The following NCOA7 variants were observed in gnomAD, a reference collection of about 807,000 sequenced individuals.
The protein encoded by NCOA7 is 140 kDa estrogen receptor-associated protein.
Under a neutral mutation model 104.3 loss-of-function variants are expected in NCOA7, and 45 were observed. The observed-to-expected ratio is 0.43, with a 90% CI of 0.34 to 0.55. The LOEUF (loss-of-function observed/expected upper bound fraction) is 0.55. NCOA7 is among the 20% of genes least tolerant of loss of function. The probability of loss-of-function intolerance (pLI) is 0.02; values close to 1 mark genes in which losing one functional copy is unlikely to be tolerated. For missense variants in NCOA7, 1,041 were observed against 1,119.7 expected (o/e 0.93, Z 1.00); for synonymous variants, 398 against 402.3 (o/e 0.99, Z 0.13).
rs377586074 is a variant in NCOA7 at position 125,872,171 on chromosome 6, C to T, written c.272-2718C>T. On this transcript the variant is annotated intron_variant, in intron 3 of 15. Transcript: ENST00000392477. ...ATGCTTGACATTTTTCTAGCCTACCCACCTGTGGCAAAGGAAGGTAATTTA... is the reference window on the plus strand; with the variant it reads ...ATGCTTGACATTTTTCTAGCCTACCTACCTGTGGCAAAGGAAGGTAATTTA... Among the ~76,000 whole-genome samples, 24 of 152,132 alleles carry T rather than the reference C, an allele frequency of 1.6e-4. No homozygotes were observed. In the South Asian group the frequency reaches 1.9e-3, roughly 12 times the overall value.
rs764286818 is a variant in NCOA7 at position 125,800,949 on chromosome 6, C to T, written c.-65+9882C>T. ...GTGTGAGGCAGTGAGGCAGGAGAATCGCTTGAACGAGTGAGGCAGAGGCTG... is the reference window on the plus strand; with the variant it reads ...GTGTGAGGCAGTGAGGCAGGAGAATTGCTTGAACGAGTGAGGCAGAGGCTG... On this transcript the variant is annotated intron_variant, in intron 1 of 15. Coordinates refer to ENST00000392477, the MANE Select transcript of NCOA7 (RefSeq NM_181782.5). Among the ~76,000 whole-genome samples the T allele has an allele frequency of 4.8e-4, 73 of 152,164 alleles. 1 individual carries two copies. Among genetic ancestry groups the T allele is most frequent in the Admixed American group, 1.3e-4 (2 of 15,280 alleles).
intron 10 of NCOA7, among the ~76,000 whole-genome samples, chr6:125,901,304 G>A (rs1456177761): frequency 6.6e-6 from 1 of 152,172 alleles, no homozygotes; most frequent in Non-Finnish European, 1.5e-5. Context: ...ATTTTGCTGT[G>A]TGTGCCCCCA....
In NCOA7 at chr6:125,895,737, G is replaced by A. The variant is rs75731636; in HGVS notation, c.2096+4927G>A. Among the ~76,000 whole-genome samples, 452 of 152,150 alleles carry A rather than the reference G, an allele frequency of 3.0e-3. 2 individuals carry two copies. The highest frequency in any genetic ancestry group is 0.011 in the African/African-American group (441 of 41,506). Reference sequence around the variant, plus strand: ...TGCAGGCTTCTCACATGGCAGGAGTGGAAAAGAGAGAGAGTGGGCGGAGTT... The same window carrying A: ...TGCAGGCTTCTCACATGGCAGGAGTAGAAAAGAGAGAGAGTGGGCGGAGTT... On this transcript the variant is annotated intron_variant, in intron 10 of 15. Transcript: ENST00000392477.
intron 3 of NCOA7, among the ~76,000 whole-genome samples, chr6:125,874,585 A>G (rs909975108): frequency 3.3e-5 from 5 of 152,228 alleles, no homozygotes; most frequent in East Asian, 3.8e-4. Flanking sequence ...GGCATCATTT[A>G]TATGGTAACT....
intron 1 of NCOA7, among the ~76,000 whole-genome samples, chr6:125,812,860 T>G (rs1777164305): frequency 6.6e-6 from 1 of 152,012 alleles, no homozygotes; most frequent in African/African-American, 2.4e-5. Context: ...CCTTCATTCC[T>G]TACTTTCCTT....
chr6:125,868,203 CA>C (rs1782597696), intron 3 of NCOA7, among the ~76,000 whole-genome samples: 2 of 152,128 alleles, frequency 1.3e-5, no homozygotes, highest in African/African-American at 4.8e-5. Context: ...TCAAAATGAT[CA>C]GATTCTTTTT....
chr6:125,873,458 T>A (rs138978514), intron 3 of NCOA7, among the ~76,000 whole-genome samples: 1 of 152,360 alleles, frequency 6.6e-6, no homozygotes, highest in African/African-American at 2.4e-5. Flanking sequence ...TTTCTTGATG[T>A]AAACCTGTTT....
chr6:125,881,623 A>T (rs1395002834), intron 6 of NCOA7, among the ~76,000 whole-genome samples: 1 of 147,536 alleles, frequency 6.8e-6, no homozygotes, highest in Non-Finnish European at 1.5e-5. Context: ...GTGAGCCATG[A>T]TCGTACCACT....
chr6:125,888,443 A>G (rs1721624922), intron 8 of NCOA7, among the ~76,000 whole-genome samples: 2 of 152,200 alleles, frequency 1.3e-5, no homozygotes, highest in South Asian at 4.1e-4. Context: ...GTGACTTTAT[A>G]TGGAGCAGTT....
chr6:125,908,122 C>T (rs1166245931), intron 10 of NCOA7, among the ~76,000 whole-genome samples: 2 of 152,266 alleles, frequency 1.3e-5, no homozygotes, highest in African/African-American at 4.8e-5. Context: ...CCCAGCAGTT[C>T]CAAAAGAGTA....
intron 3 of NCOA7, among the ~76,000 whole-genome samples, chr6:125,863,993 G>A (rs1337539239): frequency 7.4e-6 from 1 of 134,548 alleles, no homozygotes; most frequent in Non-Finnish European, 1.6e-5. Flanking sequence ...TACATTGATG[G>A]TTGAAGAGTG....
At chr6:125,792,806 T>A (rs1051994836) in intron 1 of NCOA7, among the ~76,000 whole-genome samples, 2 of 152,158 alleles carry the variant, frequency 1.3e-5, no homozygotes, top group East Asian at 3.8e-4. Flanking sequence ...CAAGGTTAAC[T>A]GCATCAAACT....
chr6:125,817,818 T>A (rs1562821372), intron 2 of NCOA7, among the ~76,000 whole-genome samples: 1 of 152,244 alleles, frequency 6.6e-6, no homozygotes, highest in Non-Finnish European at 1.5e-5. Context: ...AAGATCTCTT[T>A]GCCTAGCTGT....
chr6:125,871,920 C>G (rs1782953834), intron 3 of NCOA7, among the ~76,000 whole-genome samples: 1 of 148,924 alleles, frequency 6.7e-6, no homozygotes, highest in Non-Finnish European at 1.5e-5. Context: ...TTGCTTGAGT[C>G]TGGGAAGTGG....
chr6:125,854,827 A>C (rs1490747337), intron 2 of NCOA7, among the ~76,000 whole-genome samples, 193 bp from the exon 3 acceptor site: 1 of 152,228 alleles, frequency 6.6e-6, no homozygotes. Context: ...AAGAAAGGCC[A>C]CAGATCTCCA....
In NCOA7 at chr6:125,859,248, A is replaced by C. The variant is rs564587498; in HGVS notation, c.271+4008A>C. Among the ~76,000 whole-genome samples the C allele has an allele frequency of 7.0e-4, 106 of 152,104 alleles. 1 individual carries two copies. The highest frequency in any genetic ancestry group is 2.4e-3 in the African/African-American group (99 of 41,478). On this transcript the variant is annotated intron_variant, in intron 3 of 15. Transcript: ENST00000392477. ...AGTGTGTGAGGGAGGAAAAAAAAAAACAGAGGCAAAAATTGACAGACTAGG... is the reference window on the plus strand; with the variant it reads ...AGTGTGTGAGGGAGGAAAAAAAAAACCAGAGGCAAAAATTGACAGACTAGG...
At chr6:125,838,473 A>G (rs2128600765) in intron 2 of NCOA7, among the ~76,000 whole-genome samples, 1 of 152,290 alleles carries the variant, frequency 6.6e-6, no homozygotes, top group East Asian at 1.9e-4. Context: ...GGCTGGATTG[A>G]TGCAAAACTC....
At chr6:125,839,780 A>C (rs901709778) in intron 2 of NCOA7, among the ~76,000 whole-genome samples, 1 of 152,126 alleles carries the variant, frequency 6.6e-6, no homozygotes, top group Non-Finnish European at 1.5e-5. Flanking sequence ...TGTCACCGTC[A>C]TAGTGCAACA....
chr6:125,833,956 A>G (rs1017059702), intron 2 of NCOA7, among the ~76,000 whole-genome samples: 2 of 152,112 alleles, frequency 1.3e-5, no homozygotes, highest in African/African-American at 4.8e-5. Flanking sequence ...GTTTCCTCTG[A>G]GAAATAATAA....
Sources: gnomAD v4.1 joint callset for allele counts (sites outside exome capture counted in the v4.1 genomes callset) on GRCh38, gnomAD v4.1.1 for gene constraint, MANE v1.5 for transcripts, NCBI Gene and HGNC (gene_info 2026-07-23, HGNC 2026-07-21) for gene names.